PACRG: variants seen among roughly 807,000 people sequenced by gnomAD.
The protein encoded by PACRG is parkin coregulated.
A neutral mutation model predicts 29.7 loss-of-function variants in PACRG; 29 were observed. The observed-to-expected ratio is 0.98, with a 90% CI of 0.73 to 1.33. The LOEUF is 1.33. PACRG is among the 40% of genes most tolerant of loss of function. PACRG has a pLI of 0.00. For missense variants in PACRG, 279 were observed against 316.2 expected, an observed-to-expected ratio of 0.88 and a Z score of 0.89; for synonymous variants, 116 against 118.7, an observed-to-expected ratio of 0.98 and a Z score of 0.15.
intron 4 of PACRG, among the ~76,000 whole-genome samples, chr6:163,262,875 C>CG (rs901328812): frequency 1.0e-4 from 15 of 149,094 alleles, no homozygotes; most frequent in African/African-American, 3.2e-4. Flanking sequence ...GACCCCCCCC[C>CG]CCATGTCAAC....
intron 4 of PACRG, chr6:163,101,060 A>G (rs553351270): frequency 1.3e-5 from 13 of 982,438 alleles, no homozygotes; most frequent in Non-Finnish European, 1.6e-5. Flanking sequence ...ATTTATATTC[A>G]TTTTGAGGCG....
At chr6:162,765,458 C>G (rs1169798537) in intron 1 of PACRG, among the ~76,000 whole-genome samples, 4 of 152,128 alleles carry the variant, frequency 2.6e-5, no homozygotes, top group East Asian at 3.9e-4. Context: ...GCTCTCTCAA[C>G]AGTGAGACCA....
intron 4 of PACRG, among the ~76,000 whole-genome samples, chr6:163,157,103 C>T (rs1397531891): frequency 6.6e-6 from 1 of 152,182 alleles, no homozygotes; most frequent in Admixed American, 6.5e-5. Context: ...GAGTGGTCTT[C>T]CTAAAACACA....
chr6:163,114,474 G>C (rs1197854722), intron 4 of PACRG, among the ~76,000 whole-genome samples: 3 of 152,124 alleles, frequency 2.0e-5, no homozygotes, highest in Admixed American at 1.3e-4. Context: ...TAAAGACTAA[G>C]AATGAAGACT....
chr6:163,197,080 T>A (rs1310123110), intron 4 of PACRG, among the ~76,000 whole-genome samples: 12 of 152,214 alleles, frequency 7.9e-5, no homozygotes, highest in Non-Finnish European at 1.5e-4. Flanking sequence ...CGTGGTCATT[T>A]TACTAAACTT....
intron 2 of PACRG, among the ~76,000 whole-genome samples, chr6:162,926,777 A>G (rs1045339294): frequency 6.6e-6 from 1 of 152,204 alleles, no homozygotes; most frequent in Non-Finnish European, 1.5e-5. Flanking sequence ...ACCAAAAGCA[A>G]TTGCAACAAA....
intron 1 of PACRG, among the ~76,000 whole-genome samples, chr6:162,748,866 A>G (rs1484191648): frequency 6.6e-6 from 1 of 152,210 alleles, no homozygotes; most frequent in Admixed American, 6.5e-5. Context: ...TATATATTAT[A>G]GAATGTGATA....
chr6:163,230,760 G>A (rs948644991), intron 4 of PACRG, among the ~76,000 whole-genome samples: 3 of 152,116 alleles, frequency 2.0e-5, no homozygotes, highest in African/African-American at 7.3e-5. Context: ...GTGTAATGCC[G>A]AACTGCTGTA....
intron 2 of PACRG, among the ~76,000 whole-genome samples, chr6:163,004,973 A>T (rs11963795): frequency 0.16 from 24,866 of 151,860 alleles, 5,929 homozygotes; most frequent in African/African-American, 0.53. Flanking sequence ...CCAGCTTTAT[A>T]TGAAAAATAA....
intron 1 of PACRG, among the ~76,000 whole-genome samples, chr6:162,802,219 A>G (rs1247431429): frequency 2.0e-5 from 3 of 152,192 alleles, no homozygotes; most frequent in Non-Finnish European, 4.4e-5. Flanking sequence ...CCCCGCTCGT[A>G]CTAAACCTAG....
At chr6:162,992,880 T>G (rs965918443) in intron 2 of PACRG, among the ~76,000 whole-genome samples, 31 of 151,632 alleles carry the variant, frequency 2.0e-4, no homozygotes, top group African/African-American at 6.8e-4. Context: ...GGGCATTCAG[T>G]GCTATAAATT....
chr6:163,286,774 A>G (rs764803839), intron 4 of PACRG, among the ~76,000 whole-genome samples: 7 of 152,200 alleles, frequency 4.6e-5, no homozygotes, highest in Non-Finnish European at 8.8e-5. Flanking sequence ...GGTCACTTTA[A>G]AACTACATAA....
At chr6:163,207,925 A>G (rs1371867055) in intron 4 of PACRG, among the ~76,000 whole-genome samples, 3 of 152,360 alleles carry the variant, frequency 2.0e-5, no homozygotes, top group East Asian at 3.9e-4. Context: ...CAAGCTCTCA[A>G]TCTGTGGATA....
rs528393448 is a variant in PACRG at position 163,126,646 on chromosome 6, C to A, written c.613+37238C>A. On this transcript the variant is annotated intron_variant, in intron 4 of 4. Coordinates refer to ENST00000366888, the MANE Select transcript of PACRG (RefSeq NM_001080379.2). ...GCAATGGCGAAAGAATCTGAAAGGG[C>A]ACTGCAGAGGTGAAAATCAAATAAC... Among the ~76,000 whole-genome samples, 3 of 152,278 alleles carry A rather than the reference C, an allele frequency of 2.0e-5. No individual in the cohort carries two copies. The South Asian group carries it at 6.2e-4, about 32-fold the overall frequency.
chr6:163,183,791 A>T (rs1389822497), intron 4 of PACRG, among the ~76,000 whole-genome samples: 1 of 152,236 alleles, frequency 6.6e-6, no homozygotes, highest in Admixed American at 6.5e-5. Context: ...AAATTAGGAA[A>T]ACGCAGGCCA....
At chr6:163,033,528 T>C (rs551910781) in intron 2 of PACRG, among the ~76,000 whole-genome samples, 1 of 152,380 alleles carries the variant, frequency 6.6e-6, no homozygotes, top group Admixed American at 6.5e-5. Flanking sequence ...AAAGATTACT[T>C]AAGTCACATG....
chr6:162,783,135 TA>T (rs1428601796), intron 1 of PACRG, among the ~76,000 whole-genome samples: 1 of 151,956 alleles, frequency 6.6e-6, no homozygotes, highest in Non-Finnish European at 1.5e-5. Flanking sequence ...CTTAATTTGA[TA>T]ACATGAAATG....
chr6:162,783,661 C>T (rs1784254200), intron 1 of PACRG, among the ~76,000 whole-genome samples: 1 of 151,826 alleles, frequency 6.6e-6, no homozygotes, highest in African/African-American at 2.4e-5. Context: ...GATAATTATT[C>T]TTGTACTTAC....
intron 4 of PACRG, among the ~76,000 whole-genome samples, chr6:163,204,950 G>T (rs975714004): frequency 6.6e-6 from 1 of 152,240 alleles, no homozygotes; most frequent in Admixed American, 6.5e-5. Context: ...GCCAAATCAA[G>T]AACACAATCC....
Sources: gnomAD v4.1 joint callset for allele counts (sites outside exome capture counted in the v4.1 genomes callset) on GRCh38, gnomAD v4.1.1 for gene constraint, MANE v1.5 for transcripts, NCBI Gene and HGNC (gene_info 2026-07-23, HGNC 2026-07-21) for gene names.